PISD: variants seen among roughly 807,000 people sequenced by gnomAD.
PISD encodes the protein phosphatidylserine decarboxylase proenzyme, mitochondrial.
PISD carries 31 observed loss-of-function variants against 43.5 expected under a neutral mutation model. That is an observed-to-expected ratio of 0.71 (90% CI 0.54 to 0.96). PISD has a LOEUF of 0.96. Ranked by LOEUF, PISD falls within the 40% of genes least tolerant of loss-of-function variation. The probability of loss-of-function intolerance (pLI) is 0.00; values close to 1 mark genes in which losing one functional copy is unlikely to be tolerated. For synonymous variants in PISD, 259 were observed against 228.7 expected, an observed-to-expected ratio of 1.13 and a Z score of -1.20; for missense variants, 523 against 548.4, an observed-to-expected ratio of 0.95 and a Z score of 0.46.
intron 3 of PISD, chr22:31,632,320 CA>C: frequency 1.2e-6 from 1 of 859,164 alleles, no homozygotes; most frequent in South Asian, 5.3e-5. Flanking sequence ...AACAGGGAGG[CA>C]GGGGTGAACA....
chr22:31,623,972 T>TCCATCACCC, intron 3 of PISD: 1 of 833,816 alleles, frequency 1.2e-6, no homozygotes, highest in Non-Finnish European at 1.8e-6. Flanking sequence ...AAGCTGCCTC[T>TCCATCACCC]CCATGGGGGT....
Position 31,619,838 on chromosome 22 carries a change from TGTGGTGATAG to T in PISD, c.1006-12_1006-3del, listed in dbSNP as rs1410592269. The T allele has an allele frequency of 3.7e-6, 6 of 1,608,462 alleles. No homozygotes were observed. Among genetic ancestry groups the T allele is most frequent in the Admixed American group, 1.7e-5 (1 of 59,684 alleles). On this transcript the variant is annotated splice_polypyrimidine_tract_variant and splice_region_variant and intron_variant, in intron 7 of 7. Transcript: ENST00000439502. Reference sequence around the variant, plus strand: ...CCTTGGGCTGTTTGTGTGCAGGTCCTGTGGTGATAGGCTGGGGGTCAGTGGGGCCCAGGCC... The same window carrying T: ...CCTTGGGCTGTTTGTGTGCAGGTCCTGCTGGGGGTCAGTGGGGCCCAGGCC...
intron 3 of PISD, among the ~76,000 whole-genome samples, chr22:31,640,489 C>A (rs2073660360): frequency 6.6e-6 from 1 of 151,776 alleles, no homozygotes; most frequent in Admixed American, 6.6e-5. Context: ...AGCCACCACT[C>A]CAGGCCTCAA....
Position 31,621,010 on chromosome 22 carries a change from C to T in PISD, c.830G>A (p.Arg277Gln), listed in dbSNP as rs147371584. The T allele has an allele frequency of 1.9e-4, 301 of 1,612,768 alleles. No individual in the cohort carries two copies. The highest frequency in any genetic ancestry group is 2.3e-4 in the Non-Finnish European group (269 of 1,179,460). ...CCCGGGCTGACCTGGGAAGTGGCGC[C>T]GGTGGGACACAGTCCAGTCGGTGGG... is the stretch of plus-strand genomic sequence containing the variant. ...HSPTDWTVSH[R>Q]RHFPGSLMSV... The change falls in exon 6 of 8, where the codon CGG becomes CAG. Residue 277 changes from arginine to glutamine, a missense_variant. By Grantham distance (43) the Arg-to-Gln change is conservative (BLOSUM62 1). Coordinates refer to ENST00000439502, the MANE Select transcript of PISD (RefSeq NM_001326411.2).
At chr22:31,655,857 G>A (rs550930016) in intron 1 of PISD, among the ~76,000 whole-genome samples, 29 of 149,236 alleles carry the variant, frequency 1.9e-4, no homozygotes, top group Non-Finnish European at 4.0e-4. Flanking sequence ...GGCTGGGCTC[G>A]AACTCCTGAC....
At chr22:31,661,341 C>G (rs1335077525) in intron 1 of PISD, among the ~76,000 whole-genome samples, 2 of 152,140 alleles carry the variant, frequency 1.3e-5, no homozygotes, top group Non-Finnish European at 2.9e-5. Flanking sequence ...GCGCATCTCT[C>G]AAATCTTAGC....
chr22:31,632,544 C>T (rs2073250450), intron 3 of PISD, among the ~76,000 whole-genome samples: 1 of 152,138 alleles, frequency 6.6e-6, no homozygotes. Context: ...CATGGGTGTT[C>T]TCTGAGTACC....
chr22:31,649,198 C>A (rs2073968159), intron 2 of PISD, among the ~76,000 whole-genome samples: 1 of 152,116 alleles, frequency 6.6e-6, no homozygotes. Context: ...CCAGCCTGGG[C>A]AACAGAGTGA....
chr22:31,635,174 A>C (rs1039206139), intron 3 of PISD, among the ~76,000 whole-genome samples: 2 of 152,114 alleles, frequency 1.3e-5, no homozygotes, highest in African/African-American at 4.8e-5. Flanking sequence ...CTCAAAAAAC[A>C]AAACAAAACA....
chr22:31,656,453 G>A (rs186279541), intron 1 of PISD, among the ~76,000 whole-genome samples: 17 of 151,826 alleles, frequency 1.1e-4, no homozygotes, highest in South Asian at 2.1e-4. Context: ...GTTCGAGACC[G>A]GCCTGACCAA....
intron 7 of PISD, 90 bp downstream of exon 7, chr22:31,620,463 A>T: frequency 7.6e-7 from 1 of 1,315,902 alleles, no homozygotes; most frequent in Non-Finnish European, 1.1e-6. Flanking sequence ...CCTAGAATTC[A>T]GTCCCAACGC....
At chr22:31,639,726 T>G (rs1304526492) in intron 3 of PISD, among the ~76,000 whole-genome samples, 1 of 152,104 alleles carries the variant, frequency 6.6e-6, no homozygotes, top group African/African-American at 2.4e-5. Flanking sequence ...ATATGACCAC[T>G]GCAGCAGTAT....
chr22:31,656,819 T>C (rs984406506), intron 1 of PISD, among the ~76,000 whole-genome samples: 3 of 152,134 alleles, frequency 2.0e-5, no homozygotes, highest in African/African-American at 7.2e-5. Flanking sequence ...CTCCTCCATT[T>C]GCTGTTTGCT....
chr22:31,641,075 A>C (rs181528227), intron 3 of PISD, among the ~76,000 whole-genome samples: 73 of 148,978 alleles, frequency 4.9e-4, no homozygotes, highest in Admixed American at 8.1e-4. Flanking sequence ...TTAGTAGAAG[A>C]GGGGTTCCAC....
intron 3 of PISD, among the ~76,000 whole-genome samples, chr22:31,632,947 G>A (rs1036241601): frequency 6.6e-5 from 10 of 152,104 alleles, no homozygotes; most frequent in African/African-American, 2.4e-4. Context: ...TTGCTTAAAG[G>A]TGAAGATCCC....
At chr22:31,634,545 A>G (rs1342415105) in intron 3 of PISD, among the ~76,000 whole-genome samples, 1 of 152,206 alleles carries the variant, frequency 6.6e-6, no homozygotes, top group Admixed American at 6.6e-5. Context: ...AATTCAGAAA[A>G]AGTGCTTTAG....
At position 31,630,917 on chromosome 22, in the gene PISD, G is replaced by T. The variant is rs929701098; in HGVS notation, c.322-9032C>A. ...TCCAGCCACTCAGACTACCAGGGGC[G>T]GGGGCAGGAGGCCGACCCCAGCCAC... On this transcript the variant is annotated intron_variant, in intron 3 of 7. Coordinates refer to ENST00000439502, the MANE Select transcript of PISD (RefSeq NM_001326411.2). The surrounding 1 kb of genome is among the most constrained non-coding windows in gnomAD (Gnocchi z 4.4). 4.2e-6 allele frequency: 4 copies of T among 948,526 alleles called. No individual in the cohort carries two copies. The highest frequency in any genetic ancestry group is 4.9e-5 in the South Asian group (1 of 20,564). 58.8% of individuals were successfully genotyped at this position (948,526 alleles called of 1,614,324 possible). A position where few individuals can be genotyped will look rare whatever the true frequency, so the allele number is the denominator to read the frequency against.
Position 31,630,939 on chromosome 22 carries a change from C to T in PISD, c.322-9054G>A, listed in dbSNP as rs3747157. ...GGCGGGGGCAGGAGGCCGACCCCAG[C>T]CACCCTTAAAGCTGCCGCCCCCTCT... is the stretch of plus-strand genomic sequence containing the variant. On this transcript the variant is annotated intron_variant, in intron 3 of 7. Coordinates refer to ENST00000439502, the MANE Select transcript of PISD (RefSeq NM_001326411.2). The surrounding 1 kb of genome is among the most constrained non-coding windows in gnomAD (Gnocchi z 4.4). The T allele has an allele frequency of 0.062, 54,206 of 868,672 alleles. 1,957 individuals carry two copies. Among genetic ancestry groups the T allele is most frequent in the Admixed American group, 0.15 (2,367 of 16,154 alleles). The allele number at this position is 868,672 out of a possible 1,614,324, so 53.8% of individuals were successfully genotyped here.
chr22:31,621,779 T>G lies in PISD; in HGVS notation c.428A>C (p.Tyr143Ser). ...HWLRRPVYSL[Y>S]IWTFGVNMKE... is the part of the protein sequence containing the mutation. ...CATGTTCACCCCAAACGTCCAGATG[T>G]ACAGGCTGTAGACGGGCCTGCGCAG... The change falls in exon 4 of 8, where the codon TAC (tyrosine) becomes TCC (serine). Residue 143 changes from tyrosine (Y) to serine (S), a missense_variant. Physicochemically the swap from Tyr to Ser is moderately radical, Grantham distance 144. Transcript: ENST00000439502. 2 of 1,614,068 alleles carry G rather than the reference T, an allele frequency of 1.2e-6. No individual in the cohort carries two copies. Among genetic ancestry groups the G allele is most frequent in the Non-Finnish European group, 1.7e-6 (2 of 1,180,024 alleles).
Sources: allele counts gnomAD v4.1 joint callset (sites outside exome capture counted in the v4.1 genomes callset), GRCh38; gene constraint gnomAD v4.1.1; non-coding constraint Gnocchi (gnomAD v3.1); transcripts MANE v1.5; gene names NCBI Gene and HGNC (gene_info 2026-07-23, HGNC 2026-07-21).